The following GLI3 variants were observed in gnomAD, a reference collection of about 807,000 sequenced individuals.
GLI3 encodes the protein GLI family zinc finger 3.
Under a neutral mutation model 100.8 loss-of-function variants are expected in GLI3, and 20 were observed. The ratio of observed to expected loss-of-function variants is 0.20; its 90% confidence interval spans 0.14 to 0.29. The LOEUF is 0.29. Ranked by LOEUF, GLI3 falls within the 10% of genes least tolerant of loss-of-function variation. GLI3 has a pLI of 1.00. For missense variants in GLI3, 2,040 were observed against 2,128.5 expected, an observed-to-expected ratio of 0.96 and a Z score of 0.82; for synonymous variants, 938 against 860.5, an observed-to-expected ratio of 1.09 and a Z score of -1.58.
In GLI3 at chr7:42,078,378, TAA is replaced by T. The variant is rs202048253; in HGVS notation, c.368-1523_368-1522del. Among the ~76,000 whole-genome samples, 1,062 of 152,260 alleles carry T rather than the reference TAA, an allele frequency of 7.0e-3. 3 individuals carry two copies. Among genetic ancestry groups the T allele is most frequent in the Non-Finnish European group, 0.012 (820 of 68,016 alleles). On this transcript the variant is annotated intron_variant, in intron 3 of 14. Coordinates refer to ENST00000395925, the MANE Select transcript of GLI3 (RefSeq NM_000168.6). Reference sequence around the variant, plus strand: ...TTTGTCCCTGCTGCCTTCAAGAATATAAGACTCTGTTTATGAAGAAAAAAATC... The same window carrying T: ...TTTGTCCCTGCTGCCTTCAAGAATATGACTCTGTTTATGAAGAAAAAAATC...
At chr7:42,205,787 T>A (rs11973232) in intron 2 of GLI3, among the ~76,000 whole-genome samples, 148 of 152,334 alleles carry the variant, frequency 9.7e-4, no homozygotes, top group African/African-American at 3.3e-3. Flanking sequence ...CAGATTTTTT[T>A]AAAACACTTC....
At chr7:41,967,999 T>G (rs1001051001) in intron 13 of GLI3, 76 bp from the exon 14 acceptor site, 24 of 1,086,362 alleles carry the variant, frequency 2.2e-5, no homozygotes, top group Non-Finnish European at 3.4e-5. Context: ...TGAGAGCTCA[T>G]GCATATCGAG....
At chr7:41,998,102 A>G (rs1259736880) in intron 10 of GLI3, among the ~76,000 whole-genome samples, 1 of 152,178 alleles carries the variant, frequency 6.6e-6, no homozygotes, top group African/African-American at 2.4e-5. Context: ...AGCTGGCTCC[A>G]CCAGGTCATT....
In GLI3 at chr7:41,964,327, A is replaced by C; in HGVS notation, c.*3T>G. 6.2e-7 allele frequency: 1 copy of C among 1,613,618 alleles called. No homozygotes were observed. The highest frequency in any genetic ancestry group is 8.5e-7 in the Non-Finnish European group (1 of 1,179,562). On this transcript the variant is annotated 3_prime_UTR_variant, in exon 15 of 15. Coordinates refer to ENST00000395925, the MANE Select transcript of GLI3 (RefSeq NM_000168.6). The stretch of plus-strand genomic sequence containing the variant: ...GTTGGTTGCAGTCTTTTTTTCCTAA[A>C]GCCTATTGCATAACTGCAAGGAATT...
chr7:42,195,733 A>T (rs1421382380), intron 2 of GLI3, among the ~76,000 whole-genome samples: 1 of 152,082 alleles, frequency 6.6e-6, no homozygotes, highest in African/African-American at 2.4e-5. Context: ...TGTTTAATTC[A>T]CTCCCTCAGT....
chr7:42,170,266 TTATATA>T (rs148558582), intron 2 of GLI3, among the ~76,000 whole-genome samples: 2 of 137,682 alleles, frequency 1.5e-5, no homozygotes, highest in African/African-American at 5.4e-5. Context: ...AAAAAAAAAA[TTATATA>T]TATATATATA....
At chr7:42,039,908 T>G in intron 7 of GLI3, 130 bp downstream of exon 7, 1 of 745,828 alleles carries the variant, frequency 1.3e-6, no homozygotes, top group Non-Finnish European at 2.4e-6. Context: ...TGCCTCTTGG[T>G]ATAGGCACAG....
chr7:42,198,692 C>G (rs1787977813), intron 2 of GLI3, among the ~76,000 whole-genome samples: 1 of 151,994 alleles, frequency 6.6e-6, no homozygotes, highest in Non-Finnish European at 1.5e-5. Flanking sequence ...AATGTAGTAT[C>G]TAAAATTTTT....
At chr7:41,977,794 A>G (rs1787549106) in intron 11 of GLI3, 72 bp from the exon 12 acceptor site, 1 of 1,369,086 alleles carries the variant, frequency 7.3e-7, no homozygotes, top group Non-Finnish European at 1.0e-6. Context: ...ACGCCCTCCA[A>G]GTTGATGAAA....
At position 42,228,701 on chromosome 7, in the gene GLI3, T is replaced by G. The variant is rs539725569; in HGVS notation, c.-42-5406A>C. On this transcript the variant is annotated intron_variant, in intron 1 of 14. Transcript: ENST00000395925. ...AACATTGGGGATCCCTTGAAAAGCC[T>G]TCACAAAACCAATAGGTGTGTGCTT... Among the ~76,000 whole-genome samples the G allele has an allele frequency of 2.0e-4, 30 of 152,342 alleles. 1 individual carries two copies. Among genetic ancestry groups the G allele is most frequent in the Admixed American group, 6.5e-4 (10 of 15,308 alleles).
chr7:42,182,660 A>ATATATATATATATATATATACATGTGTG (rs1787625615), intron 2 of GLI3, among the ~76,000 whole-genome samples: 6 of 59,098 alleles, frequency 1.0e-4, no homozygotes, highest in African/African-American at 5.8e-4. Context: ...ATATATATAT[A>ATATATATATATATATATATACATGTGTG]TATATATATA....
chr7:42,015,402 A>G (rs1370212384), intron 10 of GLI3, among the ~76,000 whole-genome samples: 2 of 152,176 alleles, frequency 1.3e-5, no homozygotes, highest in East Asian at 1.9e-4. Flanking sequence ...TAATTGTTCT[A>G]GAAAAAATAA....
chr7:42,257,243 T>C (rs908359117), intron 1 of GLI3, among the ~76,000 whole-genome samples: 1 of 152,128 alleles, frequency 6.6e-6, no homozygotes, highest in African/African-American at 2.4e-5. Context: ...CCACTAAATT[T>C]TTTTTCTTTT....
intron 3 of GLI3, among the ~76,000 whole-genome samples, chr7:42,142,518 T>C (rs1786593305): frequency 6.6e-6 from 1 of 152,154 alleles, no homozygotes; most frequent in South Asian, 2.1e-4. Context: ...GTTAACAAAT[T>C]TTTCTAAATG....
chr7:42,053,447 G>T (rs919818257), intron 4 of GLI3, among the ~76,000 whole-genome samples: 1 of 152,210 alleles, frequency 6.6e-6, no homozygotes, highest in Non-Finnish European at 1.5e-5. Context: ...AGAGGACAGG[G>T]GAGGTATGGA....
chr7:42,148,722 T>C (rs980281801), intron 2 of GLI3, among the ~76,000 whole-genome samples: 1 of 152,078 alleles, frequency 6.6e-6, no homozygotes, highest in Non-Finnish European at 1.5e-5. Context: ...TAAACTGAGA[T>C]GTAGGGGTTG....
In GLI3 at chr7:42,026,359, T is replaced by A; in HGVS notation, c.1082A>T (p.Gln361Leu). 1 of 1,614,120 alleles carries A rather than the reference T, an allele frequency of 6.2e-7. No homozygotes were observed. Among genetic ancestry groups the A allele is most frequent in the Non-Finnish European group, 8.5e-7 (1 of 1,180,014 alleles). The change falls in exon 8 of 15, where the codon CAG becomes CTG. Residue 361 changes from glutamine to leucine, a missense_variant. Gln to Leu is a moderately radical substitution (Grantham distance 113, BLOSUM62 -2). Coordinates refer to ENST00000395925, the MANE Select transcript of GLI3 (RefSeq NM_000168.6). Reference sequence around the variant, plus strand: ...GCTCTGTTGTCGGCTTAGGATCTGCTGATGCATGTGGAGAGAGACGGGCGC... The same window carrying A: ...GCTCTGTTGTCGGCTTAGGATCTGCAGATGCATGTGGAGAGAGACGGGCGC... ...SSAPVSLHMH[Q>L]QILSRQQSLG...
intron 7 of GLI3, among the ~76,000 whole-genome samples, chr7:42,028,283 A>T (rs574365509): frequency 5.9e-5 from 9 of 152,282 alleles, no homozygotes; most frequent in African/African-American, 1.7e-4. Flanking sequence ...AGCCTAGACT[A>T]TCTGGCAGAG....
chr7:41,997,012 T>C (rs182994866), intron 10 of GLI3, among the ~76,000 whole-genome samples: 5 of 152,330 alleles, frequency 3.3e-5, no homozygotes, highest in East Asian at 1.9e-4. Context: ...GGCAGAAGAA[T>C]TGGGATTTTT....
Sources: allele counts gnomAD v4.1 joint callset (sites outside exome capture counted in the v4.1 genomes callset), GRCh38; gene constraint gnomAD v4.1.1; transcripts MANE v1.5; gene names NCBI Gene and HGNC (gene_info 2026-07-23, HGNC 2026-07-21).